Variants in PTPRT observed in about 807,000 individuals in gnomAD.
The protein encoded by PTPRT is protein tyrosine phosphatase receptor type T, also known as receptor-type tyrosine-protein phosphatase T.
Under a neutral mutation model 176.8 loss-of-function variants are expected in PTPRT, and 56 were observed. That is an observed-to-expected ratio of 0.32 (90% CI 0.26 to 0.40). The LOEUF is 0.40. PTPRT is among the 10% of genes least tolerant of loss of function. The pLI is 1.00. For synonymous variants in PTPRT, 783 were observed against 739.0 expected, an observed-to-expected ratio of 1.06 and a Z score of -0.96; for missense variants, 1,540 against 1,908.2, an observed-to-expected ratio of 0.81 and a Z score of 3.60.
chr20:42,769,996 C>T (rs142918193), intron 5 of PTPRT, among the ~76,000 whole-genome samples: 265 of 152,234 alleles, frequency 1.7e-3, no homozygotes, highest in African/African-American at 6.0e-3. Flanking sequence ...CACATGGGGA[C>T]GGAACTTTGG....
chr20:42,979,962 T>G (rs568220520), intron 1 of PTPRT, among the ~76,000 whole-genome samples: 1 of 88,708 alleles, frequency 1.1e-5, no homozygotes, highest in Non-Finnish European at 2.0e-5. Flanking sequence ...CCGGAGAGCA[T>G]GCAAGTATGC....
intron 6 of PTPRT, among the ~76,000 whole-genome samples, chr20:42,744,340 T>C (rs2076658351): frequency 6.6e-6 from 1 of 152,098 alleles, no homozygotes; most frequent in Non-Finnish European, 1.5e-5. Context: ...AAAGTCTACA[T>C]CAAGAAAGAA....
Position 42,568,144 on chromosome 20 carries a change from T to G in PTPRT, c.1154-95582A>C, listed in dbSNP as rs552419210. On this transcript the variant is annotated intron_variant, in intron 7 of 30. Coordinates refer to ENST00000373187, the MANE Select transcript of PTPRT (RefSeq NM_007050.6). ...CCACCATGCCCGGCTAATTTTTGTA[T>G]TTTTAGTAAAGACAGTGTTTCACCA... is the stretch of plus-strand genomic sequence containing the variant. Among the ~76,000 whole-genome samples, 4 of 152,194 alleles carry G rather than the reference T, an allele frequency of 2.6e-5. No individual in the cohort carries two copies. In the East Asian group the frequency reaches 7.7e-4, roughly 29 times the overall value.
chr20:42,347,981 G>C (rs1043193929), intron 11 of PTPRT, among the ~76,000 whole-genome samples: 4 of 152,200 alleles, frequency 2.6e-5, no homozygotes, highest in Admixed American at 6.5e-5. Context: ...CAAGAGGACA[G>C]AGGTGTGGCT....
At chr20:42,089,481 T>C (rs1379660581) in intron 27 of PTPRT, among the ~76,000 whole-genome samples, 3 of 152,198 alleles carry the variant, frequency 2.0e-5, no homozygotes, top group Admixed American at 1.3e-4. Context: ...GAATGATTTG[T>C]CTCTTTTAAT....
chr20:42,722,867 G>A lies in PTPRT; in HGVS notation c.859+33595C>T, dbSNP rs752746354. ...ACAACACCCCAGAAATGAGCTCATC[G>A]CATACCACATGTTCCTCAGGACTAT... On this transcript the variant is annotated intron_variant, in intron 6 of 30. Transcript: ENST00000373187. Among the ~76,000 whole-genome samples, 11 of 152,196 alleles carry A rather than the reference G, an allele frequency of 7.2e-5. No homozygotes were observed. In the South Asian group the frequency reaches 8.3e-4, roughly 11 times the overall value.
intron 1 of PTPRT, among the ~76,000 whole-genome samples, chr20:42,912,807 T>C (rs896610892): frequency 6.6e-6 from 1 of 152,270 alleles, no homozygotes; most frequent in Admixed American, 6.5e-5. Flanking sequence ...GGATGTCCTA[T>C]ATGAAATGCT....
At chr20:42,322,311 A>C (rs2057811788) in intron 11 of PTPRT, among the ~76,000 whole-genome samples, 1 of 150,562 alleles carries the variant, frequency 6.6e-6, no homozygotes, top group African/African-American at 2.5e-5. Context: ...AGTCAATCCT[A>C]AGCCAAAAGA....
intron 12 of PTPRT, among the ~76,000 whole-genome samples, chr20:42,305,085 G>C (rs1029395328): frequency 6.6e-6 from 1 of 152,170 alleles, no homozygotes; most frequent in Non-Finnish European, 1.5e-5. Context: ...TGGTGCAGTG[G>C]CTCCTGCTTG....
chr20:43,047,040 C>T (rs1322225807), intron 1 of PTPRT, among the ~76,000 whole-genome samples: 2 of 152,098 alleles, frequency 1.3e-5, no homozygotes, highest in African/African-American at 4.8e-5. Flanking sequence ...AGATCATTCA[C>T]GCCAGTTTCT....
At chr20:42,448,689 G>A (rs939392791) in intron 8 of PTPRT, among the ~76,000 whole-genome samples, 2 of 152,092 alleles carry the variant, frequency 1.3e-5, no homozygotes, top group African/African-American at 4.8e-5. Flanking sequence ...AACCGGATAA[G>A]GGCAGAAAGG....
intron 14 of PTPRT, among the ~76,000 whole-genome samples, chr20:42,244,432 A>T (rs548344719): frequency 2.6e-5 from 4 of 152,224 alleles, no homozygotes; most frequent in Non-Finnish European, 5.9e-5. Flanking sequence ...CGAGCTGGGC[A>T]GGGGAGCAGG....
intron 19 of PTPRT, among the ~76,000 whole-genome samples, 170 bp downstream of exon 19, chr20:42,128,584 G>A (rs575921555): frequency 2.0e-5 from 3 of 152,204 alleles, no homozygotes; most frequent in South Asian, 2.1e-4. Flanking sequence ...TAGCCTGAAA[G>A]TGGATGCAGT....
At chr20:42,950,101 C>A (rs1250540519) in intron 1 of PTPRT, among the ~76,000 whole-genome samples, 2 of 152,178 alleles carry the variant, frequency 1.3e-5, no homozygotes, top group African/African-American at 4.8e-5. Context: ...GTGACAGAAT[C>A]CAAGCCTAGT....
intron 1 of PTPRT, chr20:42,968,594 C>T (rs1288054042): frequency 1.3e-5 from 2 of 152,254 alleles, no homozygotes; most frequent in Non-Finnish European, 2.9e-5. Context: ...CCACTGAAGG[C>T]AAATGCATCA....
rs934404379 is a variant in PTPRT, at chr20:43,036,280, C to T, written c.89-150348G>A. 7.9e-5 allele frequency among the ~76,000 whole-genome samples: 12 copies of T among 152,128 alleles called. No individual in the cohort carries two copies. The East Asian group carries it at 2.3e-3, about 29-fold the overall frequency. On this transcript the variant is annotated intron_variant, in intron 1 of 30. Transcript: ENST00000373187. ...TCACTGCCCCAGCTGGAGTGCAGTG[C>T]TTATTCACAAGTGGGATCATGGCAT...
At chr20:42,756,342 T>C (rs1164277341) in intron 6 of PTPRT, 120 bp downstream of exon 6, 22 of 1,109,554 alleles carry the variant, frequency 2.0e-5, no homozygotes, top group Non-Finnish European at 2.3e-5. Flanking sequence ...CCAGAGTGAC[T>C]AGAAATTAAT....
At chr20:43,058,046 T>C (rs1987313289) in intron 1 of PTPRT, among the ~76,000 whole-genome samples, 1 of 152,138 alleles carries the variant, frequency 6.6e-6, no homozygotes, top group Non-Finnish European at 1.5e-5. Context: ...ACAGAGGCAG[T>C]GGTGTGCAGA....
chr20:42,621,738 A>ACTACTAC (rs1271388007), intron 7 of PTPRT, among the ~76,000 whole-genome samples: 2 of 152,150 alleles, frequency 1.3e-5, no homozygotes, highest in East Asian at 3.8e-4. Context: ...TATGAATTAA[A>ACTACTAC]CTACTACCTA....
Sources: gnomAD v4.1 joint callset for allele counts (sites outside exome capture counted in the v4.1 genomes callset) on GRCh38, gnomAD v4.1.1 for gene constraint, MANE v1.5 for transcripts, NCBI Gene and HGNC (gene_info 2026-07-23, HGNC 2026-07-21) for gene names.